The following PGAP1 variants were observed in gnomAD, a reference collection of about 807,000 sequenced individuals.
The protein encoded by PGAP1 is GPI inositol-deacylase.
PGAP1 carries 76 observed loss-of-function variants against 127.0 expected under a neutral mutation model. That is an observed-to-expected ratio of 0.60 (90% CI 0.50 to 0.72). The LOEUF is 0.72. Among genes scored for constraint, PGAP1 ranks in the 30% least tolerant of loss-of-function variants. PGAP1 has a pLI of 0.00. For synonymous variants in PGAP1, 362 were observed against 366.5 expected, an observed-to-expected ratio of 0.99 and a Z score of 0.14; for missense variants, 982 against 1,071.3, an observed-to-expected ratio of 0.92 and a Z score of 1.16.
chr2:196,872,631 C>A, intron 17 of PGAP1, 82 bp from the exon 18 acceptor site: 1 of 948,200 alleles, frequency 1.1e-6, no homozygotes, highest in Non-Finnish European at 1.7e-6. Flanking sequence ...CAGCACAATA[C>A]AACTGAATAA....
chr2:196,843,071 C>T lies in PGAP1; in HGVS notation c.2526-246G>A, dbSNP rs1349388549. On this transcript the variant is annotated intron_variant, in intron 25 of 26. Transcript: ENST00000354764. ...AATGAAAATAACCGGTATGAAAGCACTTTCTTTTTATAAGCAGTGTATGTT... is the reference window on the plus strand; with the variant it reads ...AATGAAAATAACCGGTATGAAAGCATTTTCTTTTTATAAGCAGTGTATGTT... Among the ~76,000 whole-genome samples the T allele has an allele frequency of 2.0e-5, 3 of 151,990 alleles. No individual in the cohort carries two copies. The East Asian group carries it at 5.8e-4, about 29-fold the overall frequency.
At chr2:196,891,935 A>G (rs1363213297) in intron 9 of PGAP1, among the ~76,000 whole-genome samples, 2 of 152,098 alleles carry the variant, frequency 1.3e-5, no homozygotes, top group Non-Finnish European at 2.9e-5. Context: ...CAACAGGCAA[A>G]GGAACATGTT....
In PGAP1 at chr2:196,916,557, T is replaced by A; in HGVS notation, c.338A>T (p.Glu113Val). 6.2e-7 allele frequency: 1 copy of A among 1,612,858 alleles called. No individual in the cohort carries two copies. The highest frequency in any genetic ancestry group is 8.5e-7 in the Non-Finnish European group (1 of 1,179,468). ...AAAGTGGTACTTGAAGTCAATGTCC[T>A]CTGCTTTTCTAAGTGCAATGGAGCC... ...SIGSIALRKA[E>V]DIDFKYHFDF... The change falls in exon 3 of 27, where the codon GAG becomes GTG. Residue 113 changes from glutamate to valine, a missense_variant. Transcript: ENST00000354764.
At chr2:196,894,817 AAAC>A (rs1702221539) in intron 7 of PGAP1, among the ~76,000 whole-genome samples, 1 of 152,078 alleles carries the variant, frequency 6.6e-6, no homozygotes, top group African/African-American at 2.4e-5. Flanking sequence ...ACAAAAACAA[AAAC>A]AAAAACAAAA....
chr2:196,919,299 C>T (rs1047037562), intron 2 of PGAP1, among the ~76,000 whole-genome samples: 1 of 152,278 alleles, frequency 6.6e-6, no homozygotes, highest in Middle Eastern at 3.4e-3. Context: ...TGGAATACAG[C>T]CTGGCTCATG....
At chr2:196,843,760 A>T in intron 25 of PGAP1, 128 bp downstream of exon 25, 1 of 465,356 alleles carries the variant, frequency 2.1e-6, no homozygotes, top group Non-Finnish European at 3.4e-6. Context: ...AAATAAATAA[A>T]TTTCAGGTAA....
chr2:196,895,151 G>T (rs1209243724), intron 7 of PGAP1, among the ~76,000 whole-genome samples: 2 of 151,962 alleles, frequency 1.3e-5, no homozygotes, highest in Non-Finnish European at 2.9e-5. Flanking sequence ...TTGATTCTTA[G>T]TAATATGGTT....
At chr2:196,924,993 T>C (rs1703318605) in intron 1 of PGAP1, among the ~76,000 whole-genome samples, 1 of 152,232 alleles carries the variant, frequency 6.6e-6, no homozygotes, top group African/African-American at 2.4e-5. Context: ...GGGAGTTTCC[T>C]AATTATTAAA....
intron 1 of PGAP1, 86 bp downstream of exon 1, chr2:196,926,384 C>G: frequency 6.3e-7 from 1 of 1,586,070 alleles, no homozygotes. Flanking sequence ...GCGCAGAGAG[C>G]CAAGGCAGGA....
At chr2:196,870,036 G>C (rs1201779241) in intron 19 of PGAP1, among the ~76,000 whole-genome samples, 1 of 152,098 alleles carries the variant, frequency 6.6e-6, no homozygotes, top group Non-Finnish European at 1.5e-5. Flanking sequence ...TTTATGTCCA[G>C]GTTGCACAAT....
At chr2:196,888,712 T>TA (rs973521535) in intron 10 of PGAP1, among the ~76,000 whole-genome samples, 2 of 152,154 alleles carry the variant, frequency 1.3e-5, no homozygotes, top group Non-Finnish European at 2.9e-5. Flanking sequence ...CTGATTCAGA[T>TA]AAACTTAAAA....
chr2:196,893,146 A>C lies in PGAP1; in HGVS notation c.1027T>G (p.Leu343Val). The C allele has an allele frequency of 1.3e-6, 2 of 1,567,502 alleles. No individual in the cohort carries two copies. The highest frequency in any genetic ancestry group is 1.8e-6 in the Non-Finnish European group (2 of 1,139,668). Residue 343 changes from leucine (L) to valine (V), a missense_variant, in exon 8 of 27, where the codon TTA (leucine) becomes GTA (valine). Transcript: ENST00000354764. ...FEENPAIISDLTGTSMWVLVK... is the reference protein window; with the variant it reads ...FEENPAIISDVTGTSMWVLVK... ...ATATGTTATTGTCACCAACCTGTTA[A>C]GTCAGAAATTATAGCTGGATTTTCC...
At chr2:196,856,573 G>C (rs1700889805) in intron 20 of PGAP1, among the ~76,000 whole-genome samples, 1 of 152,148 alleles carries the variant, frequency 6.6e-6, no homozygotes, top group Non-Finnish European at 1.5e-5. Flanking sequence ...GCTGAAACTA[G>C]ATGCATTTTA....
Position 196,920,017 on chromosome 2 carries a change from TTA to T in PGAP1, c.279_280del (p.Asn94CysfsTer5). ...CTTACCTTGCTTATAACTTCCAGCATTACCAGGAAGAAAGAGAACTGGAATAC... is the reference window on the plus strand; with the variant it reads ...CTTACCTTGCTTATAACTTCCAGCATCCAGGAAGAAAGAGAACTGGAATAC... On this transcript the variant is annotated frameshift_variant, in exon 2 of 27. Coordinates refer to ENST00000354764, the MANE Select transcript of PGAP1 (RefSeq NM_024989.4). LOFTEE classifies it high-confidence loss of function. 6.2e-7 allele frequency: 1 copy of T among 1,610,522 alleles called. No individual in the cohort carries two copies. The highest frequency in any genetic ancestry group is 1.1e-5 in the South Asian group (1 of 89,870).
intron 5 of PGAP1, among the ~76,000 whole-genome samples, chr2:196,901,087 A>G (rs1343639009): frequency 6.6e-6 from 1 of 152,254 alleles, no homozygotes; most frequent in Non-Finnish European, 1.5e-5. Context: ...CATTCTCCAG[A>G]CAAGGTCCAG....
chr2:196,859,560 A>T (rs969915731), intron 20 of PGAP1, among the ~76,000 whole-genome samples: 1 of 152,140 alleles, frequency 6.6e-6, no homozygotes, highest in Non-Finnish European at 1.5e-5. Flanking sequence ...ATAATACAAC[A>T]AAAAAAGAAA....
At chr2:196,870,486 G>A (rs1242578889) in intron 19 of PGAP1, among the ~76,000 whole-genome samples, 1 of 151,902 alleles carries the variant, frequency 6.6e-6, no homozygotes, top group Admixed American at 6.6e-5. Context: ...CAGTAGAGGT[G>A]GGGTTTCACC....
In PGAP1 at chr2:196,916,437, G is replaced by A; in HGVS notation, c.458C>T (p.Thr153Ile). Reference protein sequence around the residue: ...QTKFVHECIKTILKLYKGQEF... With the variant: ...QTKFVHECIKIILKLYKGQEF... ...TCTCACCTTATAGAGTTTGAGAATTGTTTTAATACATTCATGTACAAACTT... is the reference window on the plus strand; with the variant it reads ...TCTCACCTTATAGAGTTTGAGAATTATTTTAATACATTCATGTACAAACTT... Residue 153 changes from threonine (T) to isoleucine (I), a missense_variant, in exon 3 of 27, where the codon ACA becomes ATA. Coordinates refer to ENST00000354764, the MANE Select transcript of PGAP1 (RefSeq NM_024989.4). The A allele has an allele frequency of 6.2e-7, 1 of 1,611,190 alleles. No individual in the cohort carries two copies. Among genetic ancestry groups the A allele is most frequent in the Non-Finnish European group, 8.5e-7 (1 of 1,178,908 alleles).
intron 25 of PGAP1, 110 bp downstream of exon 25, chr2:196,843,778 C>T: frequency 3.6e-6 from 2 of 558,274 alleles, no homozygotes; most frequent in Non-Finnish European, 5.5e-6. Context: ...TAATGTATAG[C>T]TTCCTGTTCC....
Sources: allele counts gnomAD v4.1 joint callset (sites outside exome capture counted in the v4.1 genomes callset), GRCh38; gene constraint gnomAD v4.1.1; transcripts MANE v1.5; gene names NCBI Gene and HGNC (gene_info 2026-07-23, HGNC 2026-07-21).